Variants in ANKS1A observed in about 807,000 individuals in gnomAD.
The protein encoded by ANKS1A is ankyrin repeat and sterile alpha motif domain containing 1A.
A neutral mutation model predicts 120.3 loss-of-function variants in ANKS1A; 55 were observed. The observed-to-expected ratio is 0.46, with a 90% CI of 0.37 to 0.57. The LOEUF is 0.57. Among genes scored for constraint, ANKS1A ranks in the 20% least tolerant of loss-of-function variants. The pLI, the probability that ANKS1A is intolerant of heterozygous loss-of-function variation, is 0.00. For synonymous variants in ANKS1A, 590 were observed against 604.7 expected (o/e 0.98, Z 0.36); for missense variants, 1,123 against 1,480.3 (o/e 0.76, Z 3.96).
Position 35,091,397 on chromosome 6 carries a change from C to T in ANKS1A, c.*2788C>T. 2.0e-6 allele frequency: 2 copies of T among 985,478 alleles called. No homozygotes were observed. Among genetic ancestry groups the T allele is most frequent in the Non-Finnish European group, 2.4e-6 (2 of 829,942 alleles). 61.0% of individuals were successfully genotyped at this position (985,478 alleles called of 1,614,324 possible). ...GACTGAATTAATAAATGAGAAGCGA[C>T]ATGAACGCAGCCTTAATTCTTCTGA... is the stretch of plus-strand genomic sequence containing the variant. On this transcript the variant is annotated 3_prime_UTR_variant, in exon 24 of 24. Transcript: ENST00000360359.
downstream of ANKS1A, among the ~76,000 whole-genome samples, chr6:35,094,799 C>T (rs1215270632): frequency 6.6e-6 from 1 of 151,666 alleles, no homozygotes; most frequent in East Asian, 1.9e-4. Flanking sequence ...GTGACCATAA[C>T]AAAAGATCTA....
rs754243073 is a variant in ANKS1A at position 34,982,874 on chromosome 6, G to T, written c.808+47G>T. On this transcript the variant is annotated intron_variant, in intron 5 of 23. Transcript: ENST00000360359. The surrounding 1 kb of genome is among the most constrained non-coding windows in gnomAD (Gnocchi z 4.9). ...TGTCTACACAGCGTGCCAGGGTTGG[G>T]ATTGTTTCTCCCTAGTCCCCTAGGG... 6.2e-7 allele frequency: 1 copy of T among 1,612,724 alleles called. No individual in the cohort carries two copies. The highest frequency in any genetic ancestry group is 8.5e-7 in the Non-Finnish European group (1 of 1,178,812).
At chr6:34,924,748 T>C (rs1376617799) in intron 1 of ANKS1A, among the ~76,000 whole-genome samples, 1 of 152,222 alleles carries the variant, frequency 6.6e-6, no homozygotes, top group Non-Finnish European at 1.5e-5. Context: ...ATTCCTGATT[T>C]CAGGAGTCCT....
In ANKS1A at chr6:35,079,533, T is replaced by C; in HGVS notation, c.2301T>C (p.Tyr767=). The change falls in exon 15 of 24, where the codon TAT becomes TAC. Residue 767 remains tyrosine (Y), a synonymous_variant. Coordinates refer to ENST00000360359, the MANE Select transcript of ANKS1A (RefSeq NM_015245.3). ...CCCTGTAGGTGAAGGCTCTGGGTTA[T>C]GACGGGAACAGCCCCCCTAGCGTGC... is the stretch of plus-strand genomic sequence containing the variant. ...RSLPKVKALG[Y]DGNSPPSVPS... 1 of 1,613,736 alleles carries C rather than the reference T, an allele frequency of 6.2e-7. No homozygotes were observed. Among genetic ancestry groups the C allele is most frequent in the Non-Finnish European group, 8.5e-7 (1 of 1,179,752 alleles).
intron 10 of ANKS1A, among the ~76,000 whole-genome samples, chr6:35,014,583 T>G (rs1483438037): frequency 6.6e-6 from 1 of 152,196 alleles, no homozygotes; most frequent in Non-Finnish European, 1.5e-5. Context: ...ACAGCAGCAG[T>G]TAGAACATTC....
At chr6:35,062,865 G>A (rs1458365815) in intron 13 of ANKS1A, among the ~76,000 whole-genome samples, 1 of 152,322 alleles carries the variant, frequency 6.6e-6, no homozygotes, top group South Asian at 2.1e-4. Context: ...GGCTGATGTA[G>A]AGCATTCTTT....
chr6:34,915,675 G>A (rs1189144566), intron 1 of ANKS1A, among the ~76,000 whole-genome samples: 1 of 151,924 alleles, frequency 6.6e-6, no homozygotes, highest in Non-Finnish European at 1.5e-5. Flanking sequence ...TAACAGTTTG[G>A]GTTTTTATAT....
At chr6:35,017,449 C>A in intron 10 of ANKS1A, 24 bp from the exon 11 acceptor site, 1 of 1,555,198 alleles carries the variant, frequency 6.4e-7, no homozygotes, top group South Asian at 1.2e-5. Flanking sequence ...TTTTTTATTT[C>A]TCTGTCTCTC....
intron 1 of ANKS1A, among the ~76,000 whole-genome samples, chr6:34,918,502 C>T (rs1212190990): frequency 1.3e-5 from 2 of 152,206 alleles, no homozygotes; most frequent in South Asian, 2.1e-4. Context: ...AGTGAAGCTA[C>T]GGGGCTGATC....
intron 11 of ANKS1A, among the ~76,000 whole-genome samples, chr6:35,031,093 A>G (rs1252758579): frequency 6.6e-6 from 1 of 152,198 alleles, no homozygotes; most frequent in Non-Finnish European, 1.5e-5. Context: ...CAGTGTGCAC[A>G]ATGCTTCCAG....
rs748372896 is a variant in ANKS1A at position 35,017,499 on chromosome 6, A to C, written c.1450A>C (p.Ser484Arg). The change falls in exon 11 of 24, where the codon AGC (serine) becomes CGC (arginine). Residue 484 changes from serine to arginine, a missense_variant. Ser to Arg is a moderately radical substitution (Grantham distance 110). Around this residue, in one of 3 missense-constraint regions of ANKS1A, gnomAD observed 904 missense variants for 1,130.4 expected, o/e 0.80. Transcript: ENST00000360359. ...KDHRRSSSSR[S>R]QDSAEGQDGQ... The stretch of plus-strand genomic sequence containing the variant: ...CCACAGGCGGAGCAGCAGCAGCCGG[A>C]GCCAGGACTCTGCGGAGGGGCAGGA... 6.2e-7 allele frequency: 1 copy of C among 1,612,854 alleles called. No homozygotes were observed. Among genetic ancestry groups the C allele is most frequent in the Non-Finnish European group, 8.5e-7 (1 of 1,179,348 alleles).
chr6:34,933,718 ACTTC>A (rs1259988474), intron 1 of ANKS1A, among the ~76,000 whole-genome samples: 6 of 152,232 alleles, frequency 3.9e-5, no homozygotes, highest in African/African-American at 1.4e-4. Flanking sequence ...CAAACAGTTG[ACTTC>A]CTTGGATAGC....
At chr6:35,016,740 G>A (rs1428519205) in intron 10 of ANKS1A, among the ~76,000 whole-genome samples, 1 of 143,066 alleles carries the variant, frequency 7.0e-6, no homozygotes, top group East Asian at 2.0e-4. Context: ...GGAGATTTTG[G>A]AAGAAGCAAG....
In ANKS1A at chr6:35,089,780, G is replaced by A; in HGVS notation, c.*1171G>A. On this transcript the variant is annotated 3_prime_UTR_variant, in exon 24 of 24. Transcript: ENST00000360359. ...GGGTTGCATTCTTCCCTCTGGACTA[G>A]AGTAGAAATGCAGGGGAAACTGCTG... 9.8e-7 allele frequency: 1 copy of A among 1,022,130 alleles called. No individual in the cohort carries two copies. The highest frequency in any genetic ancestry group is 1.2e-6 in the Non-Finnish European group (1 of 852,882). The allele number at this position is 1,022,130 out of a possible 1,614,324, so 63.3% of individuals were successfully genotyped here.
rs74896305 is a variant in ANKS1A, at chr6:34,947,126, C to T, written c.198-20113C>T. Among the ~76,000 whole-genome samples the T allele has an allele frequency of 7.5e-3, 1,107 of 146,738 alleles. 18 individuals carry two copies. The highest frequency in any genetic ancestry group is 0.026 in the African/African-American group (1,011 of 39,428). ...ATGATACTTAATATGATACTTAATA[C>T]GTAGTATAGTAGACTCTTTTTTTTT... On this transcript the variant is annotated intron_variant, in intron 1 of 23. Coordinates refer to ENST00000360359, the MANE Select transcript of ANKS1A (RefSeq NM_015245.3).
intron 1 of ANKS1A, among the ~76,000 whole-genome samples, chr6:34,962,432 T>G (rs950317909): frequency 6.6e-6 from 1 of 152,240 alleles, no homozygotes; most frequent in African/African-American, 2.4e-5. Context: ...ATAGAGTGGC[T>G]AGATTGAGCT....
At chr6:34,936,977 CAA>C (rs1368078121) in intron 1 of ANKS1A, among the ~76,000 whole-genome samples, 3 of 152,282 alleles carry the variant, frequency 2.0e-5, no homozygotes, top group Non-Finnish European at 4.4e-5. Flanking sequence ...ACCTTGATCT[CAA>C]GAGGCTTAGA....
At chr6:35,083,250 G>C in intron 19 of ANKS1A, 24 bp downstream of exon 19, 1 of 1,613,854 alleles carries the variant, frequency 6.2e-7, no homozygotes. Flanking sequence ...GTGGGCTGGA[G>C]GGCGCTGTGG....
chr6:35,047,435 C>A (rs771520209), intron 11 of ANKS1A, among the ~76,000 whole-genome samples: 2 of 152,160 alleles, frequency 1.3e-5, no homozygotes. Flanking sequence ...AAGAACCAGA[C>A]CGAGAGACAG....
Sources: gnomAD v4.1 joint callset for allele counts (sites outside exome capture counted in the v4.1 genomes callset) on GRCh38, gnomAD v4.1.1 for gene constraint, gnomAD v4.1.1 regional missense constraint, Gnocchi (gnomAD v3.1) non-coding constraint, MANE v1.5 for transcripts, NCBI Gene and HGNC (gene_info 2026-07-23, HGNC 2026-07-21) for gene names.